The following PARG variants were observed in gnomAD, a reference collection of about 807,000 sequenced individuals.
PARG encodes mitochondrial poly(ADP-ribose) glycohydrolase.
A neutral mutation model predicts 113.0 loss-of-function variants in PARG; 35 were observed. The observed-to-expected ratio is 0.31, with a 90% CI of 0.24 to 0.41. PARG has a LOEUF of 0.41. Among genes scored for constraint, PARG ranks in the 10% least tolerant of loss-of-function variants. The pLI is 1.00. For synonymous variants in PARG, 330 were observed against 409.9 expected, an observed-to-expected ratio of 0.81 and a Z score of 2.36; for missense variants, 797 against 1,169.4, an observed-to-expected ratio of 0.68 and a Z score of 4.64.
intron 16 of PARG, among the ~76,000 whole-genome samples, chr10:49,824,815 T>C (rs1844271264): frequency 6.6e-6 from 1 of 152,136 alleles, no homozygotes; most frequent in African/African-American, 2.4e-5. Context: ...CAAAAGGTTA[T>C]GTAATTTGTC....
chr10:49,910,766 T>C (rs1217563909), intron 7 of PARG, among the ~76,000 whole-genome samples: 1 of 152,210 alleles, frequency 6.6e-6, no homozygotes, highest in Non-Finnish European at 1.5e-5. Flanking sequence ...CATTTTATAC[T>C]TATTGTGAAT....
chr10:49,845,901 G>T (rs1183406311), intron 13 of PARG, among the ~76,000 whole-genome samples: 3 of 148,248 alleles, frequency 2.0e-5, no homozygotes, highest in African/African-American at 7.4e-5. Context: ...TGTCTCAAAG[G>T]AAAAAAAAAT....
intron 7 of PARG, among the ~76,000 whole-genome samples, chr10:49,896,987 A>G (rs1554842916): frequency 6.6e-6 from 1 of 152,230 alleles, no homozygotes; most frequent in Non-Finnish European, 1.5e-5. Context: ...TGTCTCACAT[A>G]TGTTAAAATA....
intron 13 of PARG, among the ~76,000 whole-genome samples, chr10:49,856,572 A>G (rs1336666894): frequency 6.6e-5 from 10 of 152,266 alleles, no homozygotes; most frequent in Non-Finnish European, 1.5e-4. Flanking sequence ...TCTTATATTT[A>G]CACAATGTCT....
At chr10:49,874,218 T>G (rs1846835400) in intron 9 of PARG, among the ~76,000 whole-genome samples, 1 of 151,262 alleles carries the variant, frequency 6.6e-6, no homozygotes, top group Non-Finnish European at 1.5e-5. Context: ...AATATTCTAA[T>G]TCATATGGTT....
At chr10:49,916,090 A>G in intron 6 of PARG, 99 bp from the exon 7 acceptor site, 3 of 718,774 alleles carry the variant, frequency 4.2e-6, no homozygotes, top group Non-Finnish European at 7.7e-6. Context: ...ACATTTCATA[A>G]TGTTAGACAA....
chr10:49,894,184 C>G (rs1454743499), intron 7 of PARG, among the ~76,000 whole-genome samples: 1 of 151,670 alleles, frequency 6.6e-6, no homozygotes, highest in Non-Finnish European at 1.5e-5. Context: ...CAGGCATGTG[C>G]CACCATGCCC....
intron 7 of PARG, among the ~76,000 whole-genome samples, chr10:49,886,251 T>G (rs1554840430): frequency 6.6e-6 from 1 of 152,188 alleles, no homozygotes; most frequent in South Asian, 2.1e-4. Flanking sequence ...CTTCCCTATG[T>G]GACCAATGTT....
intron 7 of PARG, among the ~76,000 whole-genome samples, chr10:49,914,321 G>C (rs1837349804): frequency 6.6e-6 from 1 of 152,114 alleles, no homozygotes; most frequent in Admixed American, 6.6e-5. Flanking sequence ...CGATTATATC[G>C]GTTTGATCTA....
chr10:49,837,746 A>AT (rs1322809077), intron 15 of PARG, among the ~76,000 whole-genome samples: 200 of 152,294 alleles, frequency 1.3e-3, no homozygotes, highest in African/African-American at 4.7e-3. Context: ...AAAATAACAC[A>AT]TTTTTTGGAA....
intron 16 of PARG, among the ~76,000 whole-genome samples, chr10:49,822,095 G>C (rs1483964390): frequency 1.3e-5 from 2 of 152,166 alleles, no homozygotes; most frequent in Non-Finnish European, 2.9e-5. Context: ...ATGCTGCTGG[G>C]AACAGGTGTC....
intron 16 of PARG, among the ~76,000 whole-genome samples, chr10:49,824,754 C>G (rs1216385564): frequency 6.6e-6 from 1 of 152,136 alleles, no homozygotes; most frequent in Admixed American, 6.5e-5. Context: ...CTTACAAAAA[C>G]TCAACAAGAG....
intron 7 of PARG, chr10:49,909,691 C>T (rs557311258): frequency 5.6e-5 from 9 of 161,516 alleles, no homozygotes; most frequent in Non-Finnish European, 1.3e-4. Context: ...GCACACAGCT[C>T]TTTTTAAAAT....
At chr10:49,831,800 T>C (rs1844680834) in intron 16 of PARG, among the ~76,000 whole-genome samples, 2 of 152,194 alleles carry the variant, frequency 1.3e-5, no homozygotes, top group South Asian at 4.1e-4. Flanking sequence ...ACAGGACTTT[T>C]TTCTGAGTTC....
intron 11 of PARG, among the ~76,000 whole-genome samples, chr10:49,864,912 A>C (rs1373323262): frequency 1.3e-5 from 2 of 148,810 alleles, no homozygotes; most frequent in Non-Finnish European, 3.0e-5. Flanking sequence ...CTAAAATGTA[A>C]ATAATAAAAA....
intron 16 of PARG, among the ~76,000 whole-genome samples, chr10:49,826,453 G>A (rs369077636): frequency 6.6e-6 from 1 of 152,146 alleles, no homozygotes; most frequent in Admixed American, 6.5e-5. Flanking sequence ...ATCACAGCAT[G>A]GTAGAAAATG....
At chr10:49,925,435 G>A (rs2132922207) in intron 4 of PARG, among the ~76,000 whole-genome samples, 1 of 152,118 alleles carries the variant, frequency 6.6e-6, no homozygotes, top group South Asian at 2.1e-4. Context: ...AGCCCCTTTC[G>A]AGTTGTCCTG....
At chr10:49,899,162 T>A (rs1368371299) in intron 7 of PARG, among the ~76,000 whole-genome samples, 2 of 152,252 alleles carry the variant, frequency 1.3e-5, no homozygotes, top group African/African-American at 4.8e-5. Flanking sequence ...TTTTCTTTTG[T>A]GTAAGTTGAT....
chr10:49,934,020 G>A lies in PARG; in HGVS notation c.428C>T (p.Thr143Ile). 1 of 1,610,022 alleles carries A rather than the reference G, an allele frequency of 6.2e-7. No homozygotes were observed. The change falls in exon 3 of 18, where the codon ACA becomes ATA. Residue 143 changes from threonine to isoleucine, a missense_variant. Coordinates refer to ENST00000616448, the MANE Select transcript of PARG (RefSeq NM_003631.5). ...SLDKSPTEKS[T>I]QYLNQHQTAA... ...AGTCTGATGCTGGTTCAAATACTGT[G>A]TACTTTTTTCAGTGGGTGACTTATC...
Sources: allele counts gnomAD v4.1 joint callset (sites outside exome capture counted in the v4.1 genomes callset), GRCh38; gene constraint gnomAD v4.1.1; transcripts MANE v1.5; gene names NCBI Gene and HGNC (gene_info 2026-07-23, HGNC 2026-07-21).